ATP6V1H: variants seen among roughly 807,000 people sequenced by gnomAD.
The protein encoded by ATP6V1H is ATPase H+ transporting V1 subunit H, also known as V-type proton ATPase subunit H.
In ATP6V1H, 39 loss-of-function variants were observed where a neutral mutation model predicts 71.7. That is an observed-to-expected ratio of 0.54 (90% CI 0.42 to 0.71). The LOEUF (loss-of-function observed/expected upper bound fraction) is 0.71, where lower values mean the gene tolerates loss of function less well. Ranked by LOEUF, ATP6V1H falls within the 30% of genes least tolerant of loss-of-function variation. The probability of loss-of-function intolerance (pLI) is 0.00; values close to 1 mark genes in which losing one functional copy is unlikely to be tolerated. For missense variants in ATP6V1H, 509 were observed against 594.9 expected (o/e 0.86, Z 1.50); for synonymous variants, 192 against 199.3 (o/e 0.96, Z 0.31).
chr8:53,768,716 T>A (rs1436104601), intron 11 of ATP6V1H, among the ~76,000 whole-genome samples: 1 of 152,124 alleles, frequency 6.6e-6, no homozygotes, highest in Admixed American at 6.5e-5. Flanking sequence ...TCCATTTACA[T>A]GAAATTTCTG....
At chr8:53,804,226 T>A (rs1324841959) in intron 7 of ATP6V1H, among the ~76,000 whole-genome samples, 1 of 152,218 alleles carries the variant, frequency 6.6e-6, no homozygotes, top group Non-Finnish European at 1.5e-5. Flanking sequence ...TTACGCAAAG[T>A]AGAGTGCATT....
At chr8:53,826,948 T>G (rs1810842525) in intron 4 of ATP6V1H, among the ~76,000 whole-genome samples, 3 of 146,516 alleles carry the variant, frequency 2.0e-5, no homozygotes, top group African/African-American at 7.9e-5. Context: ...CGGAATTCTG[T>G]CTCAAAAAAA....
intron 6 of ATP6V1H, 52 bp downstream of exon 6, chr8:53,814,610 G>A (rs1394874457): frequency 5.0e-6 from 5 of 992,442 alleles, no homozygotes; most frequent in Non-Finnish European, 7.8e-6. Context: ...TAGCTTAAAA[G>A]AACACGGATG....
intron 11 of ATP6V1H, among the ~76,000 whole-genome samples, chr8:53,764,004 T>C (rs961111229): frequency 5.9e-5 from 9 of 152,242 alleles, no homozygotes; most frequent in Admixed American, 5.2e-4. Flanking sequence ...ATAATCTGAA[T>C]AGGCCTGTAT....
intron 10 of ATP6V1H, among the ~76,000 whole-genome samples, chr8:53,771,538 T>G (rs1808655643): frequency 6.6e-6 from 1 of 152,238 alleles, no homozygotes. Context: ...GTCCCTTCCA[T>G]AGTGGCTAAT....
intron 12 of ATP6V1H, among the ~76,000 whole-genome samples, chr8:53,745,914 T>G (rs958544890): frequency 6.6e-6 from 1 of 152,220 alleles, no homozygotes; most frequent in Non-Finnish European, 1.5e-5. Context: ...GCCTCTAGTA[T>G]TGACACAGCT....
At chr8:53,781,575 T>C (rs377646154) in intron 9 of ATP6V1H, among the ~76,000 whole-genome samples, 168 of 152,364 alleles carry the variant, frequency 1.1e-3, no homozygotes, top group African/African-American at 3.6e-3. Flanking sequence ...TTGTCTTTTG[T>C]TGCCATTGCT....
In ATP6V1H at chr8:53,715,564, A is replaced by G. The variant is rs180700638; in HGVS notation, c.*400T>C. The G allele has an allele frequency of 1.7e-3, 284 of 164,698 alleles. No homozygotes were observed. Among genetic ancestry groups the G allele is most frequent in the African/African-American group, 6.3e-3 (265 of 41,956 alleles). The allele number at this position is 164,698 out of a possible 1,614,324, so 10.2% of individuals were successfully genotyped here. A position where few individuals can be genotyped will look rare whatever the true frequency, so the allele number is the denominator to read the frequency against. ...TAGATTGATAGAGCGATAGATTTTA[A>G]AACATTTATTTGCCATTCACTACTT... On this transcript the variant is annotated 3_prime_UTR_variant, in exon 14 of 14. Coordinates refer to ENST00000359530, the MANE Select transcript of ATP6V1H (RefSeq NM_015941.4).
chr8:53,807,347 C>T (rs559603792), intron 7 of ATP6V1H, among the ~76,000 whole-genome samples: 1 of 152,032 alleles, frequency 6.6e-6, no homozygotes, highest in African/African-American at 2.4e-5. Context: ...CGTCTGTAAT[C>T]CCAGCACTTT....
intron 9 of ATP6V1H, among the ~76,000 whole-genome samples, chr8:53,775,445 G>A (rs985489478): frequency 3.9e-5 from 6 of 152,304 alleles, no homozygotes; most frequent in East Asian, 1.9e-4. Flanking sequence ...TGGTAGAGCC[G>A]AGTGGCCTGT....
intron 13 of ATP6V1H, among the ~76,000 whole-genome samples, chr8:53,735,962 T>A (rs2130150811): frequency 6.6e-6 from 1 of 152,308 alleles, no homozygotes; most frequent in East Asian, 1.9e-4. Flanking sequence ...AATCCTAAGA[T>A]GAGACTGCGC....
chr8:53,811,183 C>A lies in ATP6V1H; in HGVS notation c.560G>T (p.Gly187Val), dbSNP rs748087767. The A allele has an allele frequency of 2.5e-6, 4 of 1,613,112 alleles. No homozygotes were observed. The highest frequency in any genetic ancestry group is 3.4e-6 in the Non-Finnish European group (4 of 1,179,452). The change falls in exon 7 of 14, where the codon GGA (glycine) becomes GTA (valine). Residue 187 changes from glycine to valine, a missense_variant. Around this residue, in one of 2 missense-constraint regions of ATP6V1H, gnomAD observed 297 missense variants for 303.3 expected, o/e 0.98. Coordinates refer to ENST00000359530, the MANE Select transcript of ATP6V1H (RefSeq NM_015941.4). ...ACTTACATCACTTGAAGAGACTGTT[C>A]CTGTTTCAACAGCAACACCGCTACC... ...LRGSGVAVET[G>V]TVSSSDSSQY...
rs544518060 is a variant in ATP6V1H, at chr8:53,837,949, G to T, written c.113+3629C>A. On this transcript the variant is annotated intron_variant, in intron 2 of 13. Transcript: ENST00000359530. ...CTGTGAGCAAAAGGGAAGCAGCAAG[G>T]ATGGCCCCAAGGTTTTTGGCCTCCG... 3.9e-5 allele frequency among the ~76,000 whole-genome samples: 6 copies of T among 152,196 alleles called. No individual in the cohort carries two copies. In the East Asian group the frequency reaches 1.2e-3, roughly 29 times the overall value.
At chr8:53,777,476 G>T (rs1014398169) in intron 9 of ATP6V1H, among the ~76,000 whole-genome samples, 2 of 151,372 alleles carry the variant, frequency 1.3e-5, no homozygotes, top group African/African-American at 2.4e-5. Flanking sequence ...TATCTTGAAA[G>T]TACCGAAAGA....
intron 12 of ATP6V1H, among the ~76,000 whole-genome samples, chr8:53,752,332 C>G (rs187303236): frequency 1.1e-4 from 17 of 152,300 alleles, no homozygotes; most frequent in Non-Finnish European, 1.0e-4. Context: ...AGGCAACACT[C>G]TATTTTCTTG....
intron 7 of ATP6V1H, among the ~76,000 whole-genome samples, chr8:53,809,822 C>G (rs1344286021): frequency 6.6e-6 from 1 of 152,178 alleles, no homozygotes; most frequent in East Asian, 1.9e-4. Flanking sequence ...ATGTAAACAT[C>G]TGCTTCTGAT....
intron 13 of ATP6V1H, among the ~76,000 whole-genome samples, chr8:53,730,899 T>G (rs1240756165): frequency 6.6e-6 from 1 of 152,198 alleles, no homozygotes; most frequent in Non-Finnish European, 1.5e-5. Context: ...CTTTCATGAT[T>G]TTGTTAGGCT....
chr8:53,743,639 A>G lies in ATP6V1H; in HGVS notation c.1329T>C (p.His443=), dbSNP rs917022508. 3 of 1,613,766 alleles carry G rather than the reference A, an allele frequency of 1.9e-6. No homozygotes were observed. Among genetic ancestry groups the G allele is most frequent in the African/African-American group, 2.7e-5 (2 of 74,910 alleles). The change falls in exon 13 of 14, where the codon CAT becomes CAC. Residue 443 remains histidine, a synonymous_variant. Transcript: ENST00000359530. ...GKQLVMNHMH[H]EDQQVRYNAL... The stretch of plus-strand genomic sequence containing the variant: ...CATTATAGCGGACCTGCTGGTCTTC[A>G]TGATGCATGTGGTTCATGACCAGCT...
chr8:53,737,492 A>G (rs1410246082), intron 13 of ATP6V1H, among the ~76,000 whole-genome samples: 1 of 152,208 alleles, frequency 6.6e-6, no homozygotes, highest in Non-Finnish European at 1.5e-5. Flanking sequence ...CATCCAAGAG[A>G]CTGTTTTCAT....
Sources: gnomAD v4.1 joint callset for allele counts (sites outside exome capture counted in the v4.1 genomes callset) on GRCh38, gnomAD v4.1.1 for gene constraint, gnomAD v4.1.1 regional missense constraint, MANE v1.5 for transcripts, NCBI Gene and HGNC (gene_info 2026-07-23, HGNC 2026-07-21) for gene names.